Variants in TOX observed in about 807,000 individuals in gnomAD.
The protein encoded by TOX is thymocyte selection associated high mobility group box.
TOX carries 11 observed loss-of-function variants against 53.7 expected under a neutral mutation model. The observed-to-expected ratio is 0.20, with a 90% confidence interval of 0.13 to 0.34. The LOEUF is 0.34. TOX is among the 10% of genes least tolerant of loss of function. The pLI is 1.00. For missense variants in TOX, 570 were observed against 664.6 expected, an observed-to-expected ratio of 0.86 and a Z score of 1.56; for synonymous variants, 225 against 245.3, an observed-to-expected ratio of 0.92 and a Z score of 0.77.
intron 3 of TOX, among the ~76,000 whole-genome samples, chr8:58,923,482 G>C (rs1812106331): frequency 6.6e-6 from 1 of 152,166 alleles, no homozygotes; most frequent in Non-Finnish European, 1.5e-5. Flanking sequence ...TACTCACTCA[G>C]TGAAACTTCC....
intron 3 of TOX, among the ~76,000 whole-genome samples, chr8:58,938,725 G>A (rs1231205392): frequency 6.6e-6 from 1 of 152,158 alleles, no homozygotes; most frequent in East Asian, 1.9e-4. Context: ...AAAAATTAAT[G>A]GGAATTCATA....
intron 1 of TOX, among the ~76,000 whole-genome samples, chr8:59,022,526 T>C (rs1814156207): frequency 6.6e-6 from 1 of 152,214 alleles, no homozygotes; most frequent in Non-Finnish European, 1.5e-5. Context: ...TTCAGCTCCG[T>C]AATTCTTGCT....
chr8:58,902,809 T>A (rs1458512591), intron 3 of TOX, among the ~76,000 whole-genome samples: 1 of 152,230 alleles, frequency 6.6e-6, no homozygotes, highest in Non-Finnish European at 1.5e-5. Context: ...AAATGCTGAA[T>A]ATCCTTTGTG....
intron 3 of TOX, among the ~76,000 whole-genome samples, chr8:58,876,625 A>G (rs2129170494): frequency 6.6e-6 from 1 of 152,258 alleles, no homozygotes; most frequent in East Asian, 1.9e-4. Flanking sequence ...GACATAGGGA[A>G]TTGTCCTGCG....
At chr8:58,949,663 T>C (rs932146232) in intron 2 of TOX, among the ~76,000 whole-genome samples, 2 of 152,126 alleles carry the variant, frequency 1.3e-5, no homozygotes, top group African/African-American at 4.8e-5. Flanking sequence ...GGTTTTAATA[T>C]ACTATTTTAA....
intron 2 of TOX, among the ~76,000 whole-genome samples, chr8:58,959,702 T>C (rs1341560027): frequency 6.6e-6 from 1 of 152,246 alleles, no homozygotes; most frequent in Non-Finnish European, 1.5e-5. Flanking sequence ...AAGATCATGC[T>C]GGCAAAACAG....
intron 1 of TOX, among the ~76,000 whole-genome samples, chr8:59,116,603 G>A (rs1008135401): frequency 6.6e-6 from 1 of 152,174 alleles, no homozygotes; most frequent in Non-Finnish European, 1.5e-5. Context: ...ATATAATCGG[G>A]ACCAGTGACA....
intron 1 of TOX, among the ~76,000 whole-genome samples, chr8:59,050,453 T>A (rs1353664283): frequency 6.6e-6 from 1 of 152,138 alleles, no homozygotes; most frequent in African/African-American, 2.4e-5. Flanking sequence ...ACGTTTTATT[T>A]CTTTGATCTA....
At chr8:59,045,881 G>C (rs1464996291) in intron 1 of TOX, among the ~76,000 whole-genome samples, 1 of 152,178 alleles carries the variant, frequency 6.6e-6, no homozygotes, top group Non-Finnish European at 1.5e-5. Flanking sequence ...AGCTTCTTTT[G>C]CCCTTGACTT....
intron 2 of TOX, among the ~76,000 whole-genome samples, chr8:58,944,770 G>A (rs777444242): frequency 3.3e-5 from 5 of 152,142 alleles, no homozygotes; most frequent in East Asian, 3.8e-4. Flanking sequence ...ACTGTTAAAC[G>A]GATTTATACA....
chr8:59,061,699 C>T (rs1233873117), intron 1 of TOX, among the ~76,000 whole-genome samples: 6 of 151,660 alleles, frequency 4.0e-5, no homozygotes, highest in Non-Finnish European at 7.4e-5. Context: ...TTATGTCGGT[C>T]GTTCCATCAT....
chr8:59,076,005 CAAA>C (rs1171417604), intron 1 of TOX, among the ~76,000 whole-genome samples: 1 of 99,538 alleles, frequency 1.0e-5, no homozygotes, highest in Non-Finnish European at 1.9e-5. Flanking sequence ...AACTCCATCT[CAAA>C]AAAAAAAAAA....
intron 4 of TOX, among the ~76,000 whole-genome samples, chr8:58,848,696 G>T (rs1389595343): frequency 1.3e-5 from 2 of 152,000 alleles, no homozygotes; most frequent in Admixed American, 1.3e-4. Flanking sequence ...GCTTTACTGT[G>T]TCTCATTATG....
intron 3 of TOX, among the ~76,000 whole-genome samples, chr8:58,925,046 C>T (rs1326813193): frequency 6.6e-6 from 1 of 152,218 alleles, no homozygotes; most frequent in African/African-American, 2.4e-5. Flanking sequence ...GCACCTCGTG[C>T]ACAGCCACAG....
intron 1 of TOX, among the ~76,000 whole-genome samples, chr8:58,981,110 G>A (rs4738743): frequency 0.31 from 46,400 of 152,012 alleles, 8,473 homozygotes; most frequent in South Asian, 0.43. Flanking sequence ...ACTGCAGTTC[G>A]ACTTCCTGTA....
chr8:58,962,637 TGAC>T (rs1223514163), intron 1 of TOX, among the ~76,000 whole-genome samples: 1 of 152,190 alleles, frequency 6.6e-6, no homozygotes, highest in Non-Finnish European at 1.5e-5. Context: ...AGCAGAGTGA[TGAC>T]ATTATCTCAA....
rs115259809 is a variant in TOX at position 59,032,623 on chromosome 8, G to A, written c.103-72615C>T. ...CATTTAGGATTGCTTTGTGAGTCCA[G>A]GCAATGTGTTAGGTGCTTCAATTAC... is the stretch of plus-strand genomic sequence containing the variant. On this transcript the variant is annotated intron_variant, in intron 1 of 8. Coordinates refer to ENST00000361421, the MANE Select transcript of TOX (RefSeq NM_014729.3). Among the ~76,000 whole-genome samples, 754 of 152,232 alleles carry A rather than the reference G, an allele frequency of 5.0e-3. 10 individuals are homozygous for A. Among genetic ancestry groups the A allele is most frequent in the African/African-American group, 0.017 (721 of 41,536 alleles).
chr8:59,005,855 G>C (rs1433568920), intron 1 of TOX, among the ~76,000 whole-genome samples: 1 of 152,222 alleles, frequency 6.6e-6, no homozygotes, highest in Non-Finnish European at 1.5e-5. Context: ...GAGAACTGCT[G>C]TCCTGGCTGG....
intron 1 of TOX, among the ~76,000 whole-genome samples, chr8:58,979,459 C>A (rs1033000712): frequency 4.6e-5 from 7 of 152,150 alleles, no homozygotes; most frequent in African/African-American, 1.2e-4. Flanking sequence ...AAATAGAATT[C>A]TTTTTGTCTC....
Sources: gnomAD v4.1 joint callset for allele counts (sites outside exome capture counted in the v4.1 genomes callset) on GRCh38, gnomAD v4.1.1 for gene constraint, MANE v1.5 for transcripts, NCBI Gene and HGNC (gene_info 2026-07-23, HGNC 2026-07-21) for gene names.